The following COG6 variants were observed in gnomAD, a reference collection of about 807,000 sequenced individuals.
COG6 encodes the protein component of oligomeric golgi complex 6.
A neutral mutation model predicts 88.8 loss-of-function variants in COG6; 74 were observed. The ratio of observed to expected loss-of-function variants is 0.83; its 90% confidence interval spans 0.69 to 1.01. The LOEUF (loss-of-function observed/expected upper bound fraction) is 1.01. Ranked by LOEUF, COG6 falls within the 50% of genes least tolerant of loss-of-function variation. COG6 has a pLI of 0.00. For synonymous variants in COG6, 286 were observed against 278.7 expected (o/e 1.03, Z -0.26); for missense variants, 800 against 797.9 (o/e 1.00, Z -0.03).
chr13:39,712,902 T>G (rs1475238687), intron 13 of COG6, among the ~76,000 whole-genome samples: 2 of 152,190 alleles, frequency 1.3e-5, no homozygotes, highest in Non-Finnish European at 2.9e-5. Context: ...ACAACTCTAG[T>G]TAAGATTTTT....
At chr13:39,689,463 T>A (rs918800943) in intron 10 of COG6, among the ~76,000 whole-genome samples, 8 of 152,174 alleles carry the variant, frequency 5.3e-5, no homozygotes, top group African/African-American at 1.9e-4. Context: ...ACCCTCTTTT[T>A]TTCCTCTGTC....
intron 7 of COG6, 114 bp from the exon 8 acceptor site, chr13:39,682,057 G>A: frequency 1.3e-6 from 1 of 742,416 alleles, no homozygotes; most frequent in East Asian, 2.7e-5. Flanking sequence ...AGGTTTTTCT[G>A]AGGATTTTTT....
intron 1 of COG6, among the ~76,000 whole-genome samples, chr13:39,657,845 C>T (rs947484092): frequency 7.2e-5 from 11 of 152,122 alleles, no homozygotes; most frequent in Non-Finnish European, 1.2e-4. Context: ...AGCATGATTA[C>T]TCTCAAATTT....
intron 16 of COG6, 25 bp from the exon 17 acceptor site, chr13:39,724,483 C>CCTTTTTTTTTTTTTTTTTTTTTTTT: frequency 1.6e-6 from 2 of 1,283,440 alleles, no homozygotes; most frequent in Non-Finnish European, 2.2e-6. Flanking sequence ...CTTGGATCTG[C>CCTTTTTTTTTTTTTTTTTTTTTTTT]TTTTTTTTTT....
chr13:39,683,988 A>G (rs576184342), intron 8 of COG6, among the ~76,000 whole-genome samples: 1 of 152,284 alleles, frequency 6.6e-6, no homozygotes, highest in Admixed American at 6.5e-5. Context: ...TACAGGGTTG[A>G]TGTGAAGATT....
At chr13:39,758,003 T>C (rs546108930) in intron 18 of COG6, among the ~76,000 whole-genome samples, 10 of 151,074 alleles carry the variant, frequency 6.6e-5, no homozygotes, top group African/African-American at 2.4e-4. Context: ...AGGCAGATCA[T>C]GAAGTCAAGA....
exon 19 of COG6, chr13:39,789,673 T>G (rs1422202333): frequency 6.6e-6 from 1 of 152,190 alleles, no homozygotes; most frequent in Non-Finnish European, 1.5e-5. Flanking sequence ...CCCCTCACCC[T>G]CTTTAAATTA....
At chr13:39,694,791 A>T in intron 12 of COG6, 66 bp downstream of exon 12, 1 of 898,984 alleles carries the variant, frequency 1.1e-6, no homozygotes, top group Non-Finnish European at 1.8e-6. Context: ...AGAGCACAGT[A>T]TAAGATTTTT....
intron 18 of COG6, among the ~76,000 whole-genome samples, chr13:39,786,274 C>G (rs1881769895): frequency 6.6e-6 from 1 of 152,178 alleles, no homozygotes; most frequent in Admixed American, 6.5e-5. Flanking sequence ...CTGGTCCAGA[C>G]CTCTGCGGCA....
chr13:39,753,581 C>G (rs962171731), downstream of COG6, among the ~76,000 whole-genome samples: 1 of 152,044 alleles, frequency 6.6e-6, no homozygotes, highest in African/African-American at 2.4e-5. Context: ...CCTCATTTTC[C>G]TATTCTCAAA....
At chr13:39,673,416 T>A (rs1425654971) in intron 4 of COG6, among the ~76,000 whole-genome samples, 1 of 152,084 alleles carries the variant, frequency 6.6e-6, no homozygotes, top group East Asian at 1.9e-4. Flanking sequence ...GGATTTTATC[T>A]CTATTGAGTT....
chr13:39,702,876 A>G (rs1449822681), intron 13 of COG6, among the ~76,000 whole-genome samples: 1 of 152,086 alleles, frequency 6.6e-6, no homozygotes, highest in East Asian at 1.9e-4. Context: ...TAATTTTCTT[A>G]TATACCAGCT....
At chr13:39,684,223 C>T (rs1415073188) in intron 8 of COG6, among the ~76,000 whole-genome samples, 1 of 130,790 alleles carries the variant, frequency 7.6e-6, no homozygotes, top group Non-Finnish European at 1.6e-5. Flanking sequence ...AAGCAGGGGG[C>T]AGTAATGGCA....
chr13:39,726,040 G>C (rs1375540606), intron 17 of COG6, among the ~76,000 whole-genome samples: 1 of 151,838 alleles, frequency 6.6e-6, no homozygotes, highest in Non-Finnish European at 1.5e-5. Flanking sequence ...TTAATTTTCA[G>C]AACAATTAAG....
At chr13:39,757,394 T>C (rs1880872476), downstream of COG6, among the ~76,000 whole-genome samples, 1 of 151,358 alleles carries the variant, frequency 6.6e-6, no homozygotes, top group South Asian at 2.1e-4. Flanking sequence ...ATCAATAACC[T>C]TAAGAAACAT....
chr13:39,678,400 A>G (rs1195240979), intron 5 of COG6, among the ~76,000 whole-genome samples: 1 of 152,106 alleles, frequency 6.6e-6, no homozygotes, highest in Non-Finnish European at 1.5e-5. Flanking sequence ...CATTACAGTG[A>G]CATTACAGTG....
At chr13:39,713,770 T>TA (rs1878371983) in intron 13 of COG6, among the ~76,000 whole-genome samples, 1 of 151,996 alleles carries the variant, frequency 6.6e-6, no homozygotes, top group Admixed American at 6.6e-5. Context: ...ACTTGTCTCT[T>TA]ACAAAGTTTA....
chr13:39,689,059 T>C (rs1876831205), intron 10 of COG6, among the ~76,000 whole-genome samples: 1 of 152,206 alleles, frequency 6.6e-6, no homozygotes, highest in Non-Finnish European at 1.5e-5. Flanking sequence ...TGTGCATCGT[T>C]AGGTTCTCTT....
At chr13:39,769,598 AATT>A (rs772214901) in intron 18 of COG6, among the ~76,000 whole-genome samples, 4 of 152,306 alleles carry the variant, frequency 2.6e-5, no homozygotes, top group South Asian at 2.1e-4. Context: ...AATTATTAGA[AATT>A]ATTATTTTAT....
Sources: allele counts gnomAD v4.1 joint callset (sites outside exome capture counted in the v4.1 genomes callset), GRCh38; gene constraint gnomAD v4.1.1; transcripts MANE v1.5; gene names NCBI Gene and HGNC (gene_info 2026-07-23, HGNC 2026-07-21).